The following KNL1 variants were observed in gnomAD, a reference collection of about 807,000 sequenced individuals.
KNL1 encodes outer kinetochore KNL1 complex subunit KNL1.
KNL1 carries 66 observed loss-of-function variants against 201.3 expected under a neutral mutation model. The observed-to-expected ratio is 0.33, with a 90% confidence interval of 0.27 to 0.40. The LOEUF (loss-of-function observed/expected upper bound fraction) is 0.40, where lower values mean the gene tolerates loss of function less well. Among genes scored for constraint, KNL1 ranks in the 10% least tolerant of loss-of-function variants. The pLI is 1.00. For missense variants in KNL1, 2,815 were observed against 2,690.5 expected, an observed-to-expected ratio of 1.05 and a Z score of -1.02; for synonymous variants, 895 against 899.2, an observed-to-expected ratio of 1.00 and a Z score of 0.08.
intron 24 of KNL1, among the ~76,000 whole-genome samples, chr15:40,659,104 C>A (rs1368508332): frequency 6.6e-6 from 1 of 151,694 alleles, no homozygotes. Context: ...TTGGCGAAAC[C>A]CTGTCTCTAC....
chr15:40,650,626 AC>A, intron 19 of KNL1, 43 bp downstream of exon 19: 1 of 1,500,668 alleles, frequency 6.7e-7, no homozygotes, highest in Non-Finnish European at 8.9e-7. Flanking sequence ...ATGCTAAATC[AC>A]AGAAGGCTAG....
intron 5 of KNL1, 102 bp from the exon 6 acceptor site, chr15:40,610,143 C>T: frequency 1.6e-6 from 1 of 638,852 alleles, no homozygotes; most frequent in Non-Finnish European, 2.8e-6. Flanking sequence ...AAGCTAAAAT[C>T]AAAGTATTAT....
intron 1 of KNL1, among the ~76,000 whole-genome samples, chr15:40,596,468 G>A (rs1480624221): frequency 6.6e-6 from 1 of 151,940 alleles, no homozygotes; most frequent in African/African-American, 2.4e-5. Flanking sequence ...AGTAGACACG[G>A]GGTTTCACCA....
At chr15:40,633,531 A>G (rs140860933) in intron 13 of KNL1, among the ~76,000 whole-genome samples, 70 of 152,168 alleles carry the variant, frequency 4.6e-4, no homozygotes, top group African/African-American at 1.6e-3. Context: ...TGTATTTACT[A>G]TACTATACTC....
intron 13 of KNL1, among the ~76,000 whole-genome samples, chr15:40,631,034 C>T (rs1171271844): frequency 6.6e-6 from 1 of 152,132 alleles, no homozygotes; most frequent in East Asian, 1.9e-4. Flanking sequence ...GGGAGGATGG[C>T]TTGAGCCCAG....
At chr15:40,609,868 C>G (rs910697875) in intron 5 of KNL1, among the ~76,000 whole-genome samples, 15 of 151,684 alleles carry the variant, frequency 9.9e-5, no homozygotes, top group African/African-American at 3.7e-4. Context: ...AATAAATAAA[C>G]TATAACAGCA....
rs1043019666 is a variant in KNL1, at chr15:40,622,732, G to A, written c.2468G>A (p.Cys823Tyr). ...AAAAGTGGAGTGCTTAAATCTAACT[G>A]TATTATGGATGTGTTAGAGGACGAA... ...IEKSGVLKSNCIMDVLEDESV... is the reference protein window; with the variant it reads ...IEKSGVLKSNYIMDVLEDESV... Residue 823 changes from cysteine to tyrosine, a missense_variant, in exon 10 of 26, where the codon TGT (cysteine) becomes TAT (tyrosine). Physicochemically the swap from Cys to Tyr is radical, Grantham distance 194. Coordinates refer to ENST00000399668, the MANE Select transcript of KNL1 (RefSeq NM_144508.5). 1.9e-6 allele frequency: 3 copies of A among 1,600,502 alleles called. No individual in the cohort carries two copies. Among genetic ancestry groups the A allele is most frequent in the Admixed American group, 3.5e-5 (2 of 56,758 alleles).
At chr15:40,634,474 T>C (rs1426623685) in intron 13 of KNL1, among the ~76,000 whole-genome samples, 1 of 152,194 alleles carries the variant, frequency 6.6e-6, no homozygotes, top group South Asian at 2.1e-4. Context: ...GTGGATTATA[T>C]CTCCATAAAG....
At chr15:40,597,353 C>T (rs1028849689) in intron 1 of KNL1, among the ~76,000 whole-genome samples, 1 of 152,110 alleles carries the variant, frequency 6.6e-6, no homozygotes, top group Non-Finnish European at 1.5e-5. Flanking sequence ...CTCCTGGGTT[C>T]AGGGGATTCT....
At chr15:40,611,039 C>T (rs970363256) in intron 6 of KNL1, among the ~76,000 whole-genome samples, 19 of 152,026 alleles carry the variant, frequency 1.2e-4, no homozygotes, top group African/African-American at 4.3e-4. Context: ...TGAGCCACCA[C>T]GTCCAGCAGT....
chr15:40,627,401 C>G (rs544520910), intron 10 of KNL1, among the ~76,000 whole-genome samples: 2 of 151,844 alleles, frequency 1.3e-5, no homozygotes, highest in South Asian at 4.2e-4. Context: ...GTAGTTCCAG[C>G]TACTCAGGAG....
At chr15:40,606,957 C>T (rs939333594) in intron 4 of KNL1, among the ~76,000 whole-genome samples, 4 of 152,172 alleles carry the variant, frequency 2.6e-5, no homozygotes, top group Non-Finnish European at 4.4e-5. Context: ...CAGGATTTCG[C>T]CATGTTGCCC....
At chr15:40,654,573 T>A (rs1243221950) in intron 21 of KNL1, among the ~76,000 whole-genome samples, 2 of 143,452 alleles carry the variant, frequency 1.4e-5, no homozygotes, top group African/African-American at 2.6e-5. Flanking sequence ...TCAGGTAGTT[T>A]AAAAAAAAAA....
intron 21 of KNL1, among the ~76,000 whole-genome samples, chr15:40,653,182 T>C (rs1893623410): frequency 6.6e-6 from 1 of 152,048 alleles, no homozygotes; most frequent in African/African-American, 2.4e-5. Context: ...TGTTTTTATT[T>C]ATTTATTTTT....
At chr15:40,609,244 CAAA>C (rs35081212) in intron 5 of KNL1, among the ~76,000 whole-genome samples, 3 of 52,104 alleles carry the variant, frequency 5.8e-5, no homozygotes, top group Admixed American at 2.1e-4. Context: ...CCCATCTCTA[CAAA>C]AAAAAAAAAA....
At position 40,624,450 on chromosome 15, in the gene KNL1, C is replaced by T. The variant is rs375607611; in HGVS notation, c.4186C>T (p.Arg1396Ter). Reference sequence around the variant, plus strand: ...AGATCAAGATCTGATTAAGGATCCACGAAATCTATTGGCTAATCAAACTTT... The same window carrying T: ...AGATCAAGATCTGATTAAGGATCCATGAAATCTATTGGCTAATCAAACTTT... ...HKDQDLIKDP[R>*]NLLANQTLVY... The change falls in exon 10 of 26, where the codon CGA (arginine) becomes TGA (stop). Residue 1396 changes from arginine to a stop codon, truncating the protein, a stop_gained. Coordinates refer to ENST00000399668, the MANE Select transcript of KNL1 (RefSeq NM_144508.5). LOFTEE classifies it high-confidence loss of function. The T allele has an allele frequency of 1.9e-6, 3 of 1,613,758 alleles. No homozygotes were observed. The highest frequency in any genetic ancestry group is 2.5e-6 in the Non-Finnish European group (3 of 1,179,820).
In KNL1 at chr15:40,623,027, A is replaced by G. The variant is rs1212237682; in HGVS notation, c.2763A>G (p.Thr921=). The change falls in exon 10 of 26, where the codon ACA becomes ACG. Residue 921 remains threonine (T), a synonymous_variant. Coordinates refer to ENST00000399668, the MANE Select transcript of KNL1 (RefSeq NM_144508.5). The stretch of plus-strand genomic sequence containing the variant: ...ACATGGAGATCACTAGAAGTCACAC[A>G]ACTGCCTTAGAATGTAAAACTGTCT... The part of the protein sequence containing the change: ...QDDMEITRSH[T]TALECKTVSP... The G allele has an allele frequency of 3.7e-6, 6 of 1,613,896 alleles. No individual in the cohort carries two copies. Among genetic ancestry groups the G allele is most frequent in the South Asian group, 2.2e-5 (2 of 91,070 alleles).
rs537855046 is a variant in KNL1 at position 40,622,498 on chromosome 15, C to G, written c.2234C>G (p.Pro745Arg). ...AGGAAAAGTTTAAGCAATCCCACAC[C>G]TGACTATTGCCATGACAAGATGATT... Reference protein sequence around the residue: ...PLRKSLSNPTPDYCHDKMIIC... With the variant: ...PLRKSLSNPTRDYCHDKMIIC... The change falls in exon 10 of 26, where the codon CCT becomes CGT. Residue 745 changes from proline to arginine, a missense_variant. Pro to Arg is a moderately radical substitution (Grantham distance 103). Transcript: ENST00000399668. 5.0e-6 allele frequency: 8 copies of G among 1,613,988 alleles called. No homozygotes were observed. The South Asian group carries it at 7.7e-5, about 16-fold the overall frequency.
intron 25 of KNL1, 74 bp from the exon 26 acceptor site, chr15:40,662,000 C>T (rs1893924218): frequency 2.5e-6 from 2 of 801,574 alleles, no homozygotes; most frequent in Non-Finnish European, 4.3e-6. Context: ...GATTGCGCCA[C>T]TGCACTCCAG....
Sources: gnomAD v4.1 joint callset for allele counts (sites outside exome capture counted in the v4.1 genomes callset) on GRCh38, gnomAD v4.1.1 for gene constraint, MANE v1.5 for transcripts, NCBI Gene and HGNC (gene_info 2026-07-23, HGNC 2026-07-21) for gene names.